Variants in ANKS1B observed in about 807,000 individuals in gnomAD.
The protein encoded by ANKS1B is ankyrin repeat and sterile alpha motif domain-containing protein 1B.
Under a neutral mutation model 148.3 loss-of-function variants are expected in ANKS1B, and 36 were observed. The ratio of observed to expected loss-of-function variants is 0.24; its 90% CI spans 0.19 to 0.32. The LOEUF (loss-of-function observed/expected upper bound fraction) is 0.32, where lower values mean the gene tolerates loss of function less well. Among genes scored for constraint, ANKS1B ranks in the 10% least tolerant of loss-of-function variants. ANKS1B has a pLI of 1.00. For missense variants in ANKS1B, 1,157 were observed against 1,542.6 expected, an observed-to-expected ratio of 0.75 and a Z score of 4.19; for synonymous variants, 542 against 560.8, an observed-to-expected ratio of 0.97 and a Z score of 0.47.
At chr12:99,213,194 A>G (rs1414441264) in intron 14 of ANKS1B, among the ~76,000 whole-genome samples, 1 of 152,186 alleles carries the variant, frequency 6.6e-6, no homozygotes, top group African/African-American at 2.4e-5. Flanking sequence ...AGGATTTTTG[A>G]TGGCTATAGC....
intron 11 of ANKS1B, among the ~76,000 whole-genome samples, chr12:99,426,974 C>A (rs1594599967): frequency 6.6e-6 from 1 of 152,258 alleles, no homozygotes; most frequent in East Asian, 1.9e-4. Flanking sequence ...TGATTCGTAA[C>A]CTGTATCTCC....
chr12:99,448,032 G>A (rs781162381), intron 10 of ANKS1B, among the ~76,000 whole-genome samples: 1 of 151,986 alleles, frequency 6.6e-6, no homozygotes, highest in Non-Finnish European at 1.5e-5. Context: ...CCATTAGAGA[G>A]AATAGTATGG....
chr12:99,827,747 A>T (rs192528268), intron 1 of ANKS1B, among the ~76,000 whole-genome samples: 1 of 152,310 alleles, frequency 6.6e-6, no homozygotes, highest in Admixed American at 6.5e-5. Context: ...ACAAACCTAT[A>T]TTGACAAGGA....
At chr12:99,171,318 T>C (rs1270573270) in intron 14 of ANKS1B, among the ~76,000 whole-genome samples, 1 of 152,144 alleles carries the variant, frequency 6.6e-6, no homozygotes, top group East Asian at 1.9e-4. Flanking sequence ...ATAAGAACAA[T>C]GCTTCCTCCT....
chr12:99,901,893 C>T (rs751885989), intron 1 of ANKS1B, among the ~76,000 whole-genome samples: 12 of 152,328 alleles, frequency 7.9e-5, no homozygotes, highest in Admixed American at 4.6e-4. Context: ...TGCTCTAAGC[C>T]TCCATTTCCT....
rs1555404900 is a variant in ANKS1B at position 99,369,791 on chromosome 12, T to TGGATGGAC, written c.1756+29839_1756+29840insGTCCATCC. On this transcript the variant is annotated intron_variant, in intron 12 of 26. Transcript: ENST00000683438. ...ATAGATAGATAGATAGATAGATAGA[T>TGGATGGAC]GGACGGACGGACAGACGGACGGACG... is the stretch of plus-strand genomic sequence containing the variant. Among the ~76,000 whole-genome samples, 190 of 148,892 alleles carry TGGATGGAC rather than the reference T, an allele frequency of 1.3e-3. 2 individuals carry two copies. In the East Asian group the frequency reaches 0.031, roughly 24 times the overall value.
At chr12:99,427,567 C>T (rs922692804) in intron 11 of ANKS1B, among the ~76,000 whole-genome samples, 1 of 152,172 alleles carries the variant, frequency 6.6e-6, no homozygotes, top group East Asian at 1.9e-4. Flanking sequence ...AGTTAATTTA[C>T]AGCCCTGATC....
intron 15 of ANKS1B, among the ~76,000 whole-genome samples, chr12:99,143,481 G>T (rs2071742351): frequency 6.6e-6 from 1 of 152,154 alleles, no homozygotes; most frequent in Middle Eastern, 3.4e-3. Flanking sequence ...GACCTGTAAG[G>T]TGTTGTTTCT....
In ANKS1B at chr12:99,404,002, A is replaced by G. The variant is rs1384872338; in HGVS notation, c.1576-4191T>C. On this transcript the variant is annotated intron_variant, in intron 11 of 26. Transcript: ENST00000683438. Reference sequence around the variant, plus strand: ...CATGGAATACTATGCAGCCATAAAAAAGAATTAGATCATGTCCTTTTCAGG... The same window carrying G: ...CATGGAATACTATGCAGCCATAAAAGAGAATTAGATCATGTCCTTTTCAGG... Among the ~76,000 whole-genome samples, 6 of 146,572 alleles carry G rather than the reference A, an allele frequency of 4.1e-5. 1 individual carries two copies. The highest frequency in any genetic ancestry group is 1.6e-4 in the African/African-American group (6 of 38,658).
chr12:98,936,388 G>T (rs2099818696), intron 17 of ANKS1B, among the ~76,000 whole-genome samples: 1 of 152,118 alleles, frequency 6.6e-6, no homozygotes, highest in Non-Finnish European at 1.5e-5. Context: ...CAGCACTTTG[G>T]GAGGCTGAGG....
At chr12:98,978,866 G>A (rs1032899143) in intron 17 of ANKS1B, among the ~76,000 whole-genome samples, 8 of 152,006 alleles carry the variant, frequency 5.3e-5, no homozygotes, top group African/African-American at 9.7e-5. Context: ...AACGAGGGCC[G>A]GGCGCGGTGG....
At chr12:99,577,178 G>A (rs1044751511) in intron 9 of ANKS1B, among the ~76,000 whole-genome samples, 6 of 151,292 alleles carry the variant, frequency 4.0e-5, no homozygotes, top group African/African-American at 1.5e-4. Context: ...CTTTCTCTGA[G>A]TTTTTTTTAC....
intron 14 of ANKS1B, among the ~76,000 whole-genome samples, chr12:99,223,434 C>G (rs2085414561): frequency 6.6e-6 from 1 of 151,836 alleles, no homozygotes; most frequent in Non-Finnish European, 1.5e-5. Context: ...CAGTGGGAGC[C>G]CTGAACTTGT....
At chr12:99,554,555 A>C (rs2097256858) in intron 9 of ANKS1B, among the ~76,000 whole-genome samples, 1 of 152,196 alleles carries the variant, frequency 6.6e-6, no homozygotes, top group Admixed American at 6.5e-5. Context: ...TAAAGGCTTA[A>C]AATTAAGGGA....
At chr12:99,840,743 T>C (rs184546547) in intron 1 of ANKS1B, among the ~76,000 whole-genome samples, 29 of 152,290 alleles carry the variant, frequency 1.9e-4, no homozygotes, top group Non-Finnish European at 3.1e-4. Flanking sequence ...AGGTTCTCTA[T>C]TATTTTTAGG....
Position 99,881,250 on chromosome 12 carries a change from A to C in ANKS1B, c.135-55861T>G, listed in dbSNP as rs985880921. Among the ~76,000 whole-genome samples the C allele has an allele frequency of 5.3e-5, 8 of 152,320 alleles. No homozygotes were observed. In the East Asian group the frequency reaches 1.3e-3, roughly 26 times the overall value. On this transcript the variant is annotated intron_variant, in intron 1 of 26. Coordinates refer to ENST00000683438, the MANE Select transcript of ANKS1B (RefSeq NM_001352186.2). Reference sequence around the variant, plus strand: ...ACTCAGAGAGAGTGGGGGAAATTCCAGGTTTTTCTCTTATATCATCATTAT... The same window carrying C: ...ACTCAGAGAGAGTGGGGGAAATTCCCGGTTTTTCTCTTATATCATCATTAT...
chr12:98,815,159 A>G (rs954883222), intron 19 of ANKS1B, among the ~76,000 whole-genome samples: 11 of 152,164 alleles, frequency 7.2e-5, no homozygotes, highest in African/African-American at 2.7e-4. Context: ...AGAAATTGCT[A>G]TAACATCTTC....
intron 1 of ANKS1B, among the ~76,000 whole-genome samples, chr12:99,941,857 A>C (rs1407980901): frequency 6.6e-6 from 1 of 152,172 alleles, no homozygotes; most frequent in African/African-American, 2.4e-5. Flanking sequence ...AGAAACTAAG[A>C]GGATGGCATC....
intron 22 of ANKS1B, among the ~76,000 whole-genome samples, chr12:98,792,304 A>G (rs2098880040): frequency 6.6e-6 from 1 of 152,170 alleles, no homozygotes; most frequent in Non-Finnish European, 1.5e-5. Context: ...GGGGAGGATT[A>G]TTTTTTAAAA....
Sources: allele counts gnomAD v4.1 joint callset (sites outside exome capture counted in the v4.1 genomes callset), GRCh38; gene constraint gnomAD v4.1.1; transcripts MANE v1.5; gene names NCBI Gene and HGNC (gene_info 2026-07-23, HGNC 2026-07-21).